Variants in CYP21A2 observed in about 807,000 individuals in gnomAD.
CYP21A2 encodes steroid 21-hydroxylase.
A neutral mutation model predicts 47.4 loss-of-function variants in CYP21A2; 24 were observed. The ratio of observed to expected loss-of-function variants is 0.51; its 90% CI spans 0.37 to 0.71. CYP21A2 has a LOEUF of 0.71. CYP21A2 is among the 30% of genes least tolerant of loss of function. The probability of loss-of-function intolerance (pLI) is 0.00; values close to 1 mark genes in which losing one functional copy is unlikely to be tolerated. For synonymous variants in CYP21A2, 130 were observed against 273.9 expected, an observed-to-expected ratio of 0.47 and a Z score of 5.19; for missense variants, 358 against 643.2, an observed-to-expected ratio of 0.56 and a Z score of 4.80.
At chr6:32,040,230 G>C (rs1776203513) in intron 7 of CYP21A2, 25 bp downstream of exon 7, 2 of 1,612,810 alleles carry the variant, frequency 1.2e-6, no homozygotes, top group African/African-American at 1.3e-5. Context: ...CAAGCAAAAG[G>C]CTCCTTCCCA....
chr6:32,040,459 C>T lies in CYP21A2; in HGVS notation c.993C>T (p.Ser331=), dbSNP rs368463249. The T allele has an allele frequency of 4.2e-5, 67 of 1,613,112 alleles. No individual in the cohort carries two copies. The highest frequency in any genetic ancestry group is 1.6e-4 in the Middle Eastern group (1 of 6,078). The change falls in exon 8 of 10, where the codon TCC becomes TCT. Residue 331 remains serine (S), a synonymous_variant. Coordinates refer to ENST00000644719, the MANE Select transcript of CYP21A2 (RefSeq NM_000500.9). ...ACCACGAACTGGGCCCTGGTGCCTC[C>T]AGCTCCCGGGTCCCCTACAAGGACC... The part of the protein sequence containing the change: ...ELDHELGPGA[S]SSRVPYKDRA...
Position 32,038,558 on chromosome 6 carries a change from C to T in CYP21A2, c.136C>T (p.Pro46Ser), listed in dbSNP as rs1355619542. ...CTTGCACCTGCTGCAGCCCGACCTC[C>T]CCATCTATCTGCTTGGCCTGACTCA... The part of the protein sequence containing the change: ...GFLHLLQPDL[P>S]IYLLGLTQKF... Residue 46 changes from proline to serine, a missense_variant, in exon 1 of 10, where the codon CCC becomes TCC. Transcript: ENST00000644719. 2 of 1,602,334 alleles carry T rather than the reference C, an allele frequency of 1.2e-6. No homozygotes were observed. The highest frequency in any genetic ancestry group is 3.4e-5 in the Admixed American group (2 of 58,602).
At position 32,039,124 on chromosome 6, in the gene CYP21A2, T is replaced by A. The variant is rs957886272; in HGVS notation, c.323T>A (p.Leu108Gln). The change falls in exon 3 of 10, where the codon CTG becomes CAG. Residue 108 changes from leucine to glutamine, a missense_variant. Transcript: ENST00000644719. ...CTGGTGTCTAGGAACTACCCGGACC[T>A]GTCCTTGGGAGACTACTCCCTGCTC... ...YKLVSRNYPD[L>Q]SLGDYSLLWK... 6.4e-7 allele frequency: 1 copy of A among 1,560,972 alleles called. No individual in the cohort carries two copies. Among genetic ancestry groups the A allele is most frequent in the Admixed American group, 1.7e-5 (1 of 58,308 alleles).
In CYP21A2 at chr6:32,040,180, T is replaced by C; in HGVS notation, c.914T>C (p.Val305Ala). Reference sequence around the variant, plus strand: ...ACAGCAAACACCCTCTCCTGGGCCGTGGTTTTTTTGCTTCACCACCCTGAG... The same window carrying C: ...ACAGCAAACACCCTCTCCTGGGCCGCGGTTTTTTTGCTTCACCACCCTGAG... ...ETTANTLSWAVVFLLHHPEIQ... is the reference protein window; with the variant it reads ...ETTANTLSWAAVFLLHHPEIQ... Residue 305 changes from valine (V) to alanine (A), a missense_variant, in exon 7 of 10, where the codon GTG becomes GCG. Transcript: ENST00000644719. The C allele has an allele frequency of 6.2e-7, 1 of 1,612,836 alleles. No individual in the cohort carries two copies. Among genetic ancestry groups the C allele is most frequent in the Non-Finnish European group, 8.5e-7 (1 of 1,179,854 alleles).
chr6:32,039,004 G>A, intron 2 of CYP21A2, 90 bp from the exon 3 acceptor site: 1 of 1,550,548 alleles, frequency 6.4e-7, no homozygotes, highest in South Asian at 1.2e-5. Context: ...ATCTGGTGGG[G>A]AGAAAGCAGG....
chr6:32,039,028 G>T (rs747712241), intron 2 of CYP21A2, 66 bp from the exon 3 acceptor site: 2 of 1,559,980 alleles, frequency 1.3e-6, no homozygotes, highest in Non-Finnish European at 1.7e-6. Context: ...TGGGGAGGCC[G>T]AAGAAGGTCA....
At position 32,039,035 on chromosome 6, in the gene CYP21A2, G is replaced by C. The variant is rs554519026; in HGVS notation, c.293-59G>C. The C allele has an allele frequency of 1.7e-5, 27 of 1,564,380 alleles. No homozygotes were observed. In the Admixed American group the frequency reaches 3.7e-4, roughly 22 times the overall value. On this transcript the variant is annotated intron_variant, in intron 2 of 9. Transcript: ENST00000644719. ...GCAGGGGTTGGGGAGGCCGAAGAAG[G>C]TCAGGCCCTCAGCTGCCTTCATCAG...
At position 32,038,723 on chromosome 6, in the gene CYP21A2, T is replaced by G; in HGVS notation, c.204T>G (p.Asp68Glu). 1 of 1,456,122 alleles carries G rather than the reference T, an allele frequency of 6.9e-7. No individual in the cohort carries two copies. The highest frequency in any genetic ancestry group is 1.2e-5 in the South Asian group (1 of 84,986). The allele number at this position is 1,456,122 out of a possible 1,614,324, so 90.2% of individuals were successfully genotyped here. Residue 68 changes from aspartate to glutamate, a missense_variant and splice_region_variant, in exon 2 of 10, where the codon GAT becomes GAG. Asp to Glu is a conservative substitution (Grantham distance 45). Coordinates refer to ENST00000644719, the MANE Select transcript of CYP21A2 (RefSeq NM_000500.9). ...GACGCTGCTTTGGCTGTCTCCCAGA[T>G]GTGGTGGTGCTGAACTCCAAGAGGA... is the stretch of plus-strand genomic sequence containing the variant. ...PIYRLHLGLQ[D>E]VVVLNSKRTI...
At position 32,038,462 on chromosome 6, in the gene CYP21A2, G is replaced by C. The variant is rs764636694; in HGVS notation, c.40G>C (p.Ala14Pro). The C allele has an allele frequency of 1.3e-6, 2 of 1,566,794 alleles. No homozygotes were observed. Among genetic ancestry groups the C allele is most frequent in the Non-Finnish European group, 1.7e-6 (2 of 1,155,354 alleles). ...CCTGCTGCTGCTGCTGCCCCTGCTG[G>C]CTGGCGCCCGCCTGCTGTGGAACTG... is the stretch of plus-strand genomic sequence containing the variant. ...LGLLLLLPLL[A>P]GARLLWNWWK... Residue 14 changes from alanine to proline, a missense_variant, in exon 1 of 10, where the codon GCT (alanine) becomes CCT (proline). By Grantham distance (27) the Ala-to-Pro change is conservative. Transcript: ENST00000644719.
rs753680326 is a variant in CYP21A2 at position 32,039,076 on chromosome 6, C to A, written c.293-18C>A. ...CCTTCATCAGTTCCCACCCTCCAGCCCCCACCTCCTCCTGCAGACAAGCTG... is the reference window on the plus strand; with the variant it reads ...CCTTCATCAGTTCCCACCCTCCAGCACCCACCTCCTCCTGCAGACAAGCTG... On this transcript the variant is annotated intron_variant, in intron 2 of 9. Transcript: ENST00000644719. 3.1e-6 allele frequency: 5 copies of A among 1,593,288 alleles called. No homozygotes were observed. Among genetic ancestry groups the A allele is most frequent in the Non-Finnish European group, 3.4e-6 (4 of 1,169,478 alleles).
At position 32,038,677 on chromosome 6, in the gene CYP21A2, G is replaced by A. The variant is rs578064226; in HGVS notation, c.203-45G>A. 1.7e-5 allele frequency: 26 copies of A among 1,527,192 alleles called. No individual in the cohort carries two copies. In the East Asian group the frequency reaches 4.3e-4, roughly 25 times the overall value. 94.6% of individuals were successfully genotyped at this position (1,527,192 alleles called of 1,614,324 possible). ...CACCATAGGAGGGGGCGGAGGTGAC[G>A]GAGAGGGTCCTCTCTCCGCTGACGC... On this transcript the variant is annotated intron_variant, in intron 1 of 9. Transcript: ENST00000644719.
Position 32,041,084 on chromosome 6 carries a change from C to G in CYP21A2, c.1438C>G (p.Arg480Gly), listed in dbSNP as rs778319095. 3 of 1,566,410 alleles carry G rather than the reference C, an allele frequency of 1.9e-6. No individual in the cohort carries two copies. The highest frequency in any genetic ancestry group is 2.7e-5 in the African/African-American group (2 of 74,688). ...VILKMQPFQV[R>G]LQPRGMGAHS... is the part of the protein sequence containing the mutation. ...CCTCAAGATGCAGCCTTTCCAAGTG[C>G]GGCTGCAGCCCCGGGGGATGGGGGC... The change falls in exon 10 of 10, where the codon CGG becomes GGG. Residue 480 changes from arginine (R) to glycine (G), a missense_variant. Coordinates refer to ENST00000644719, the MANE Select transcript of CYP21A2 (RefSeq NM_000500.9).
rs1209284431 is a variant in CYP21A2 at position 32,039,556 on chromosome 6, T to C, written c.560T>C (p.Leu187Ser). ...TFGDKIKDDNLMPAYYKCIQE... is the reference protein window; with the variant it reads ...TFGDKIKDDNSMPAYYKCIQE... ...CTCCTTTTCTGGCAGGACGACAACTTAATGCCTGCCTATTACAAATGTATC... is the reference window on the plus strand; with the variant it reads ...CTCCTTTTCTGGCAGGACGACAACTCAATGCCTGCCTATTACAAATGTATC... The change falls in exon 5 of 10, where the codon TTA becomes TCA. Residue 187 changes from leucine to serine, a missense_variant. Transcript: ENST00000644719. 3.2e-6 allele frequency: 5 copies of C among 1,584,842 alleles called. No homozygotes were observed. The highest frequency in any genetic ancestry group is 1.8e-5 in the Admixed American group (1 of 55,414).
Position 32,040,416 on chromosome 6 carries a change from G to C in CYP21A2, c.950G>C (p.Arg317Pro). ...CCGATCATTCCCCAGATTCAGCAGCGACTGCAGGAGGAGCTAGACCACGAA... is the reference window on the plus strand; with the variant it reads ...CCGATCATTCCCCAGATTCAGCAGCCACTGCAGGAGGAGCTAGACCACGAA... ...FLLHHPEIQQRLQEELDHELG... is the reference protein window; with the variant it reads ...FLLHHPEIQQPLQEELDHELG... Residue 317 changes from arginine to proline, a missense_variant, in exon 8 of 10, where the codon CGA (arginine) becomes CCA (proline). Arg to Pro is a moderately radical substitution (Grantham distance 103). Transcript: ENST00000644719. 1 of 1,613,046 alleles carries C rather than the reference G, an allele frequency of 6.2e-7. No homozygotes were observed. The highest frequency in any genetic ancestry group is 8.5e-7 in the Non-Finnish European group (1 of 1,179,814).
At chr6:32,038,875 A>G (rs1350955276) in intron 2 of CYP21A2, 64 bp downstream of exon 2, 9 of 1,370,970 alleles carry the variant, frequency 6.6e-6, no homozygotes, top group South Asian at 2.4e-5. Context: ...GGTTCTTGCT[A>G]TGCTGCCCAG....
chr6:32,038,707 T>G lies in CYP21A2; in HGVS notation c.203-15T>G. The G allele has an allele frequency of 1.4e-6, 2 of 1,474,556 alleles. No individual in the cohort carries two copies. The highest frequency in any genetic ancestry group is 2.4e-5 in the South Asian group (2 of 84,984). The allele number at this position is 1,474,556 out of a possible 1,614,324, so 91.3% of individuals were successfully genotyped here. A position where few individuals can be genotyped will look rare whatever the true frequency, so the allele number is the denominator to read the frequency against. Reference sequence around the variant, plus strand: ...GGGTCCTCTCTCCGCTGACGCTGCTTTGGCTGTCTCCCAGATGTGGTGGTG... The same window carrying G: ...GGGTCCTCTCTCCGCTGACGCTGCTGTGGCTGTCTCCCAGATGTGGTGGTG... On this transcript the variant is annotated splice_polypyrimidine_tract_variant and intron_variant, in intron 1 of 9. Coordinates refer to ENST00000644719, the MANE Select transcript of CYP21A2 (RefSeq NM_000500.9).
Position 32,039,821 on chromosome 6 carries a change from C to G in CYP21A2, c.724C>G (p.Leu242Val), listed in dbSNP as rs1582306855. 2 of 1,613,916 alleles carry G rather than the reference C, an allele frequency of 1.2e-6. No individual in the cohort carries two copies. Among genetic ancestry groups the G allele is most frequent in the Non-Finnish European group, 1.7e-6 (2 of 1,179,894 alleles). Residue 242 changes from leucine (L) to valine (V), a missense_variant, in exon 6 of 10, where the codon CTG becomes GTG. Physicochemically the swap from Leu to Val is conservative, Grantham distance 32 (BLOSUM62 1). Transcript: ENST00000644719. ...GAGGGATCACATCGTGGAGATGCAG[C>G]TGAGGCAGCACAAGGTGGGGACTGT... Reference protein sequence around the residue: ...EKRDHIVEMQLRQHKESLVAG... With the variant: ...EKRDHIVEMQVRQHKESLVAG...
chr6:32,039,727 A>G, intron 5 of CYP21A2, 22 bp from the exon 6 acceptor site: 1 of 1,592,950 alleles, frequency 6.3e-7, no homozygotes, highest in South Asian at 1.1e-5. Context: ...CCACAGCTGC[A>G]TTCTCATGCT....
chr6:32,040,837 GCCT>G (rs1456084089), intron 9 of CYP21A2, 29 bp from the exon 10 acceptor site: 1 of 1,580,986 alleles, frequency 6.3e-7, no homozygotes, highest in Non-Finnish European at 8.7e-7. Flanking sequence ...GCCGCTGAAC[GCCT>G]CCCCACCCAC....
Sources: gnomAD v4.1 joint callset for allele counts on GRCh38, gnomAD v4.1.1 for gene constraint, MANE v1.5 for transcripts, NCBI Gene and HGNC (gene_info 2026-07-23, HGNC 2026-07-21) for gene names.